The following TMEM163 variants were observed in gnomAD, a reference collection of about 807,000 sequenced individuals.
TMEM163 encodes transmembrane protein 163.
In TMEM163, 17 loss-of-function variants were observed where a neutral mutation model predicts 29.3. The observed-to-expected ratio is 0.58, with a 90% CI of 0.40 to 0.87. The LOEUF is 0.87. TMEM163 is among the 40% of genes least tolerant of loss of function. The pLI is 0.00. For missense variants in TMEM163, 303 were observed against 381.5 expected (o/e 0.79, Z 1.71); for synonymous variants, 157 against 160.6 (o/e 0.98, Z 0.17).
At chr2:134,610,316 A>G (rs993400599) in intron 2 of TMEM163, among the ~76,000 whole-genome samples, 1 of 152,198 alleles carries the variant, frequency 6.6e-6, no homozygotes, top group Admixed American at 6.5e-5. Flanking sequence ...GGAAAGCTGA[A>G]GTCCACCCAG....
chr2:134,622,393 T>A (rs1285275374), intron 2 of TMEM163, among the ~76,000 whole-genome samples: 2 of 152,210 alleles, frequency 1.3e-5, no homozygotes, highest in African/African-American at 4.8e-5. Context: ...ACAGGAAGAA[T>A]GCTAATTTGC....
Position 134,456,496 on chromosome 2 carries a change from G to A in TMEM163, c.*220C>T. On this transcript the variant is annotated 3_prime_UTR_variant, in exon 8 of 8. Coordinates refer to ENST00000281924, the MANE Select transcript of TMEM163 (RefSeq NM_030923.5). Reference sequence around the variant, plus strand: ...GCCAGTCCCAGCTGGAGACGGGGAAGGAGGTCCATTCCTATGGGCATTGTC... The same window carrying A: ...GCCAGTCCCAGCTGGAGACGGGGAAAGAGGTCCATTCCTATGGGCATTGTC... 1.7e-6 allele frequency: 1 copy of A among 576,580 alleles called. No individual in the cohort carries two copies. 35.7% of individuals were successfully genotyped at this position (576,580 alleles called of 1,614,324 possible). A position where few individuals can be genotyped will look rare whatever the true frequency, so the allele number is the denominator to read the frequency against.
At chr2:134,598,031 A>G (rs1310782505) in intron 2 of TMEM163, among the ~76,000 whole-genome samples, 1 of 152,090 alleles carries the variant, frequency 6.6e-6, no homozygotes, top group Non-Finnish European at 1.5e-5. Context: ...CTAGCAGTCT[A>G]TCAATTTTGT....
At chr2:134,622,732 T>C (rs550193952) in intron 2 of TMEM163, among the ~76,000 whole-genome samples, 58 of 152,282 alleles carry the variant, frequency 3.8e-4, no homozygotes, top group Admixed American at 6.5e-4. Context: ...TTCATTGAAT[T>C]CACCTAGCTA....
At chr2:134,704,647 G>A (rs891701452) in intron 2 of TMEM163, among the ~76,000 whole-genome samples, 3 of 152,068 alleles carry the variant, frequency 2.0e-5, no homozygotes, top group Admixed American at 6.5e-5. Context: ...ATCGACCTAC[G>A]AAAATTCCAA....
chr2:134,645,572 G>A (rs937210130), intron 2 of TMEM163, among the ~76,000 whole-genome samples: 7 of 152,100 alleles, frequency 4.6e-5, no homozygotes, highest in African/African-American at 1.4e-4. Context: ...CAACTGAAAC[G>A]TCCCTCAATA....
At chr2:134,587,687 A>G (rs116558053) in intron 2 of TMEM163, among the ~76,000 whole-genome samples, 5,764 of 152,322 alleles carry the variant, frequency 0.038, 165 homozygotes, top group Admixed American at 0.085. Context: ...AACCAAAGAG[A>G]TCCAAAGGCT....
intron 2 of TMEM163, among the ~76,000 whole-genome samples, chr2:134,617,579 GC>G (rs1682634955): frequency 6.8e-6 from 1 of 147,892 alleles, no homozygotes; most frequent in Non-Finnish European, 1.5e-5. Flanking sequence ...TCCAGCCTGG[GC>G]AAAAAAGTGA....
chr2:134,644,446 A>G (rs1361005942), intron 2 of TMEM163, among the ~76,000 whole-genome samples: 1 of 152,196 alleles, frequency 6.6e-6, no homozygotes, highest in Non-Finnish European at 1.5e-5. Flanking sequence ...AAACACCCGC[A>G]GAAATATGGC....
In TMEM163 at chr2:134,718,861, C is replaced by A; in HGVS notation, c.75G>T (p.Ala25=). The change falls in exon 1 of 8, where the codon GCG becomes GCT. Residue 25 remains alanine (A), a synonymous_variant. Coordinates refer to ENST00000281924, the MANE Select transcript of TMEM163 (RefSeq NM_030923.5). ...CCGGGCCGGGGGCGGCAGCCGGTGGCGCGTGGCCCCGGGGCGGCGGCGGGA... is the reference window on the plus strand; with the variant it reads ...CCGGGCCGGGGGCGGCAGCCGGTGGAGCGTGGCCCCGGGGCGGCGGCGGGA... ...PTVPPPPRGH[A]PPAAAPGPAP... 9.0e-7 allele frequency: 1 copy of A among 1,111,226 alleles called. No homozygotes were observed. Among genetic ancestry groups the A allele is most frequent in the Non-Finnish European group, 1.1e-6 (1 of 911,858 alleles). 68.8% of individuals were successfully genotyped at this position (1,111,226 alleles called of 1,614,324 possible).
chr2:134,487,884 A>G (rs1454551038), intron 5 of TMEM163, among the ~76,000 whole-genome samples: 1 of 152,196 alleles, frequency 6.6e-6, no homozygotes, highest in Non-Finnish European at 1.5e-5. Context: ...TTTAAAGTCT[A>G]ACCTTTAATA....
intron 2 of TMEM163, among the ~76,000 whole-genome samples, chr2:134,708,705 G>C (rs955476930): frequency 2.0e-5 from 3 of 152,014 alleles, no homozygotes; most frequent in African/African-American, 7.3e-5. Context: ...TCCTGCCTCA[G>C]CCTCCCAAGT....
intron 3 of TMEM163, 103 bp downstream of exon 3, chr2:134,551,945 G>A: frequency 1.2e-6 from 1 of 850,202 alleles, no homozygotes; most frequent in Non-Finnish European, 1.9e-6. Flanking sequence ...CTCATGCTAA[G>A]CTCTCATACA....
At chr2:134,487,520 C>A (rs549928703) in intron 5 of TMEM163, among the ~76,000 whole-genome samples, 1 of 152,210 alleles carries the variant, frequency 6.6e-6, no homozygotes, top group African/African-American at 2.4e-5. Context: ...AACACCCCAA[C>A]AGGATTTTTC....
chr2:134,531,515 T>G (rs1680416065), intron 4 of TMEM163, among the ~76,000 whole-genome samples: 1 of 152,224 alleles, frequency 6.6e-6, no homozygotes, highest in Non-Finnish European at 1.5e-5. Flanking sequence ...CCTGTGCTTC[T>G]GACCCACTGG....
chr2:134,711,658 C>T lies in TMEM163; in HGVS notation c.322+1542G>A, dbSNP rs1183058793. On this transcript the variant is annotated intron_variant, in intron 2 of 7. Transcript: ENST00000281924. ...AAATGAACAACATTTTTAAGATAGC[C>T]CAACTGATCAGGTGTAACATGTGAA... Among the ~76,000 whole-genome samples, 4 of 152,064 alleles carry T rather than the reference C, an allele frequency of 2.6e-5. No individual in the cohort carries two copies. In the East Asian group the frequency reaches 7.7e-4, roughly 29 times the overall value.
chr2:134,653,874 T>C (rs1324600570), intron 2 of TMEM163, among the ~76,000 whole-genome samples: 1 of 126,672 alleles, frequency 7.9e-6, no homozygotes, highest in Non-Finnish European at 1.6e-5. Context: ...AGATTCTTAA[T>C]CCTGAGTTCT....
intron 2 of TMEM163, among the ~76,000 whole-genome samples, chr2:134,696,605 C>A (rs2104887865): frequency 6.6e-6 from 1 of 152,172 alleles, no homozygotes; most frequent in South Asian, 2.1e-4. Flanking sequence ...AGGAATTATA[C>A]CTATATTAGA....
At chr2:134,585,634 A>T (rs842352) in intron 2 of TMEM163, among the ~76,000 whole-genome samples, 103 of 151,818 alleles carry the variant, frequency 6.8e-4, no homozygotes, top group Middle Eastern at 3.4e-3. Context: ...CCCAGCTACT[A>T]GGGAGGCTGA....
Sources: allele counts gnomAD v4.1 joint callset (sites outside exome capture counted in the v4.1 genomes callset), GRCh38; gene constraint gnomAD v4.1.1; transcripts MANE v1.5; gene names NCBI Gene and HGNC (gene_info 2026-07-23, HGNC 2026-07-21).